The following CASTOR2 variants were observed in gnomAD, a reference collection of about 807,000 sequenced individuals.
The protein encoded by CASTOR2 is GATS protein like 2.
A neutral mutation model predicts 31.2 loss-of-function variants in CASTOR2; 8 were observed. The ratio of observed to expected loss-of-function variants is 0.26; its 90% CI spans 0.15 to 0.46. CASTOR2 has a LOEUF of 0.46. Ranked by LOEUF, CASTOR2 falls within the 20% of genes least tolerant of loss-of-function variation. The pLI is 0.99. For missense variants in CASTOR2, 216 were observed against 382.1 expected (o/e 0.57, Z 3.62); for synonymous variants, 162 against 158.7 (o/e 1.02, Z -0.16).
intron 2 of CASTOR2, among the ~76,000 whole-genome samples, chr7:75,016,294 C>A (rs1180438402): frequency 6.6e-6 from 1 of 152,212 alleles, no homozygotes; most frequent in African/African-American, 2.4e-5. Flanking sequence ...GTCTGCAGGA[C>A]AGGGTGGAAG....
chr7:74,974,214 G>A (rs1304551498), intron 1 of CASTOR2, among the ~76,000 whole-genome samples: 8 of 143,912 alleles, frequency 5.6e-5, no homozygotes, highest in Admixed American at 3.5e-4. Flanking sequence ...AGGAGCAAAC[G>A]CCTGGAGGCT....
intron 6 of CASTOR2, among the ~76,000 whole-genome samples, chr7:75,021,127 A>G (rs936107912): frequency 0.94 from 143,283 of 152,224 alleles, 67,431 homozygotes; most frequent in Middle Eastern, 0.98. Context: ...GAGTAGCTGG[A>G]ACTACAGGCG....
intron 2 of CASTOR2, among the ~76,000 whole-genome samples, chr7:75,012,023 A>G (rs1460683783): frequency 2.6e-5 from 4 of 152,144 alleles, no homozygotes; most frequent in African/African-American, 9.7e-5. Flanking sequence ...CGAGAAAGCA[A>G]GCAGACATTA....
Position 75,021,885 on chromosome 7 carries a change from A to G in CASTOR2, c.758A>G (p.Asn253Ser). 6 of 1,551,784 alleles carry G rather than the reference A, an allele frequency of 3.9e-6. No homozygotes were observed. The highest frequency in any genetic ancestry group is 5.2e-6 in the Non-Finnish European group (6 of 1,146,882). The change falls in exon 7 of 9, where the codon AAC becomes AGC. Residue 253 changes from asparagine to serine, a missense_variant. By Grantham distance (46) the Asn-to-Ser change is conservative (BLOSUM62 1). Coordinates refer to ENST00000616305, the MANE Select transcript of CASTOR2 (RefSeq NM_001145064.3). The part of the protein sequence containing the change: ...DVQTQQRFPS[N>S]LLFTSASGEL... ...CGCTCCTTTTGAAGGTTTCCTAGTAACTTGCTGTTCACAAGCGCATCCGGA... is the reference window on the plus strand; with the variant it reads ...CGCTCCTTTTGAAGGTTTCCTAGTAGCTTGCTGTTCACAAGCGCATCCGGA...
intron 1 of CASTOR2, among the ~76,000 whole-genome samples, chr7:74,996,715 CTTTTTTTTTTTTTTT>C (rs1179122101): frequency 2.5e-5 from 1 of 40,766 alleles, no homozygotes; most frequent in African/African-American, 9.9e-5. Context: ...ATGCCTGGTG[CTTTTTTTTTTTTTTT>C]TTTTTTTTTT....
rs1415749238 is a variant in CASTOR2, at chr7:75,001,029, G to A, written c.114-6965G>A. Among the ~76,000 whole-genome samples, 13 of 152,234 alleles carry A rather than the reference G, an allele frequency of 8.5e-5. No individual in the cohort carries two copies. In the East Asian group the frequency reaches 9.7e-4, roughly 11 times the overall value. On this transcript the variant is annotated intron_variant, in intron 1 of 8. Coordinates refer to ENST00000616305, the MANE Select transcript of CASTOR2 (RefSeq NM_001145064.3). Reference sequence around the variant, plus strand: ...CAAGCTAGCAGGTGACCTTGGCAGAGTCTGGCTGACACAGGGCATGGTGAC... The same window carrying A: ...CAAGCTAGCAGGTGACCTTGGCAGAATCTGGCTGACACAGGGCATGGTGAC...
intron 1 of CASTOR2, among the ~76,000 whole-genome samples, chr7:75,003,622 C>T (rs1387821982): frequency 4.6e-5 from 7 of 151,920 alleles, no homozygotes; most frequent in African/African-American, 1.5e-4. Context: ...TGGTGGCGTG[C>T]GCCTGTAGTC....
At chr7:74,993,670 C>T (rs1423683521) in intron 1 of CASTOR2, among the ~76,000 whole-genome samples, 4 of 151,666 alleles carry the variant, frequency 2.6e-5, no homozygotes, top group East Asian at 1.9e-4. Context: ...AGGCTGGTCT[C>T]GAACTCCTGG....
rs1584482482 is a variant in CASTOR2 at position 75,029,448 on chromosome 7, A to G, written c.*4749A>G. Among the ~76,000 whole-genome samples the G allele has an allele frequency of 6.8e-6, 1 of 146,802 alleles. No homozygotes were observed. The highest frequency in any genetic ancestry group is 1.5e-5 in the Non-Finnish European group (1 of 67,344). On this transcript the variant is annotated 3_prime_UTR_variant, in exon 9 of 9. Coordinates refer to ENST00000616305, the MANE Select transcript of CASTOR2 (RefSeq NM_001145064.3). ...AACCTCTGCTTCCCAGGTTCAAGTG[A>G]TTCTCCTGCCTCAGCCTCCCAAGTA...
chr7:75,011,489 C>T (rs1336255530), intron 2 of CASTOR2, among the ~76,000 whole-genome samples: 1 of 149,856 alleles, frequency 6.7e-6, no homozygotes, highest in East Asian at 2.0e-4. Context: ...AATCCCAGCA[C>T]TTTGGGAGGC....
chr7:74,987,758 G>A (rs1804106068), intron 1 of CASTOR2, among the ~76,000 whole-genome samples: 1 of 152,070 alleles, frequency 6.6e-6, no homozygotes, highest in Admixed American at 6.6e-5. Flanking sequence ...ACCTAGGCTG[G>A]AGTGCAGTGG....
At chr7:74,971,269 A>G (rs1272190050) in intron 1 of CASTOR2, among the ~76,000 whole-genome samples, 1 of 103,726 alleles carries the variant, frequency 9.6e-6, no homozygotes, top group Non-Finnish European at 2.0e-5. Context: ...TGCTGAGATA[A>G]CAGGCGTGAA....
chr7:74,977,143 C>T (rs1162632318), intron 1 of CASTOR2, among the ~76,000 whole-genome samples: 1 of 136,246 alleles, frequency 7.3e-6, no homozygotes, highest in African/African-American at 2.8e-5. Context: ...GAAATCGTGC[C>T]ACTACACTCC....
chr7:74,977,339 AG>A (rs1373245597), intron 1 of CASTOR2, among the ~76,000 whole-genome samples: 1 of 151,706 alleles, frequency 6.6e-6, no homozygotes, highest in Non-Finnish European at 1.5e-5. Flanking sequence ...TGGGTGTCCA[AG>A]GTCCCTGTGG....
intron 3 of CASTOR2, 22 bp from the exon 4 acceptor site, chr7:75,017,968 G>C: frequency 6.2e-7 from 1 of 1,614,122 alleles, no homozygotes; most frequent in Non-Finnish European, 8.5e-7. Context: ...AGGCACACAC[G>C]GCCTCAACTT....
intron 1 of CASTOR2, among the ~76,000 whole-genome samples, chr7:75,000,290 C>T (rs1804463023): frequency 2.0e-5 from 3 of 152,152 alleles, no homozygotes; most frequent in Non-Finnish European, 4.4e-5. Context: ...AGCAGGGAGG[C>T]AGCCAGAAGT....
intron 5 of CASTOR2, among the ~76,000 whole-genome samples, chr7:75,019,553 C>T (rs1804945207): frequency 6.6e-6 from 1 of 152,296 alleles, no homozygotes. Flanking sequence ...ACCCTGGGAA[C>T]CCCAAAATTT....
chr7:75,004,689 C>T (rs1199745512), intron 1 of CASTOR2, among the ~76,000 whole-genome samples: 2 of 151,938 alleles, frequency 1.3e-5, no homozygotes, highest in East Asian at 1.9e-4. Flanking sequence ...TCGAGTGATC[C>T]GCCCACCTCA....
At chr7:74,978,226 C>T (rs1255727644) in intron 1 of CASTOR2, among the ~76,000 whole-genome samples, 7 of 150,020 alleles carry the variant, frequency 4.7e-5, no homozygotes, top group African/African-American at 1.7e-4. Context: ...CCCTCAGCCT[C>T]CCGAGTAGCT....
Sources: gnomAD v4.1 joint callset for allele counts (sites outside exome capture counted in the v4.1 genomes callset) on GRCh38, gnomAD v4.1.1 for gene constraint, MANE v1.5 for transcripts, NCBI Gene and HGNC (gene_info 2026-07-23, HGNC 2026-07-21) for gene names.